Variants in WHRN observed in about 807,000 individuals in gnomAD.
WHRN encodes CASK-interacting protein CIP98.
In WHRN, 41 loss-of-function variants were observed where a neutral mutation model predicts 68.3. That is an observed-to-expected ratio of 0.60 (90% CI 0.47 to 0.78). The LOEUF (loss-of-function observed/expected upper bound fraction) is 0.78, where lower values mean the gene tolerates loss of function less well. WHRN is among the 30% of genes least tolerant of loss of function. The pLI, the probability that WHRN is intolerant of heterozygous loss-of-function variation, is 0.00. For missense variants in WHRN, 1,243 were observed against 1,244.7 expected (o/e 1.00, Z 0.02); for synonymous variants, 560 against 561.3 (o/e 1.00, Z 0.03).
In WHRN at chr9:114,440,463, T is replaced by G. The variant is rs1004590725; in HGVS notation, c.964-14050A>C. On this transcript the variant is annotated intron_variant, in intron 3 of 11. Transcript: ENST00000362057. Reference sequence around the variant, plus strand: ...CATGTTAGCTAGGCTGGTCTCAAACTCCTGACCTCAGGTGATCCGCCCACT... The same window carrying G: ...CATGTTAGCTAGGCTGGTCTCAAACGCCTGACCTCAGGTGATCCGCCCACT... 2.6e-5 allele frequency among the ~76,000 whole-genome samples: 4 copies of G among 152,274 alleles called. No homozygotes were observed. The South Asian group carries it at 6.2e-4, about 24-fold the overall frequency.
At chr9:114,478,898 T>C (rs1408933470) in intron 1 of WHRN, 127 bp from the exon 2 acceptor site, 1 of 859,374 alleles carries the variant, frequency 1.2e-6, no homozygotes, top group Non-Finnish European at 1.9e-6. Context: ...AGCCCTGAAG[T>C]CCCTTTCCTT....
intron 7 of WHRN, among the ~76,000 whole-genome samples, chr9:114,413,717 C>A (rs1048546641): frequency 6.6e-6 from 1 of 152,136 alleles, no homozygotes; most frequent in Non-Finnish European, 1.5e-5. Flanking sequence ...CAACACTGGG[C>A]CAGCACTGTG....
At position 114,504,756 on chromosome 9, in the gene WHRN, C is replaced by A; in HGVS notation, c.46G>T (p.Gly16Cys). Reference protein sequence around the residue: ...DGLSVSSSSTGSLGSAAGAGG... With the variant: ...DGLSVSSSSTCSLGSAAGAGG... ...GCCCCGGCCGCCGAGCCCAGCGAGC[C>A]GGTGGAGGACGAGCTCACCGACAGG... Residue 16 changes from glycine to cysteine, a missense_variant, in exon 1 of 12, where the codon GGC becomes TGC. Physicochemically the swap from Gly to Cys is radical, Grantham distance 159. Transcript: ENST00000362057. The A allele has an allele frequency of 1.3e-6, 2 of 1,505,390 alleles. No homozygotes were observed. The highest frequency in any genetic ancestry group is 2.6e-5 in the East Asian group (1 of 38,308). 93.3% of individuals were successfully genotyped at this position (1,505,390 alleles called of 1,614,324 possible). A position where few individuals can be genotyped will look rare whatever the true frequency, so the allele number is the denominator to read the frequency against.
intron 3 of WHRN, among the ~76,000 whole-genome samples, chr9:114,459,494 G>A (rs1840075495): frequency 6.6e-6 from 1 of 152,104 alleles, no homozygotes; most frequent in Admixed American, 6.5e-5. Flanking sequence ...CCTAGAGCTG[G>A]GTAGACAGAG....
At chr9:114,499,887 G>A (rs1843778872) in intron 1 of WHRN, among the ~76,000 whole-genome samples, 1 of 152,204 alleles carries the variant, frequency 6.6e-6, no homozygotes, top group Non-Finnish European at 1.5e-5. Flanking sequence ...GAGAATGACA[G>A]GAAAACAAGA....
At chr9:114,493,379 TG>T (rs60740371) in intron 1 of WHRN, among the ~76,000 whole-genome samples, 2 of 35,418 alleles carry the variant, frequency 5.6e-5, no homozygotes, top group Non-Finnish European at 1.2e-4. Context: ...AAAGTGGGGG[TG>T]GGGGGGTGGG....
intron 3 of WHRN, among the ~76,000 whole-genome samples, chr9:114,435,603 G>A (rs1035011871): frequency 6.6e-6 from 1 of 152,208 alleles, no homozygotes; most frequent in African/African-American, 2.4e-5. Context: ...AGGGTGAGAG[G>A]TAGAGGAGGG....
At chr9:114,413,190 G>C (rs1589079634) in intron 7 of WHRN, among the ~76,000 whole-genome samples, 1 of 152,242 alleles carries the variant, frequency 6.6e-6, no homozygotes, top group Non-Finnish European at 1.5e-5. Context: ...GACAGGAAGG[G>C]AGATAAAGGC....
chr9:114,442,375 GA>G (rs1225339548), intron 3 of WHRN, among the ~76,000 whole-genome samples: 4 of 151,832 alleles, frequency 2.6e-5, no homozygotes, highest in Admixed American at 6.6e-5. Context: ...TGTTCTTAGA[GA>G]AAAAAAATAC....
At chr9:114,485,831 G>A (rs1429010450) in intron 1 of WHRN, among the ~76,000 whole-genome samples, 2 of 152,038 alleles carry the variant, frequency 1.3e-5, no homozygotes, top group Non-Finnish European at 2.9e-5. Flanking sequence ...ATGGTGAGAC[G>A]CCACAAAAAA....
intron 3 of WHRN, among the ~76,000 whole-genome samples, chr9:114,459,505 A>G: frequency 6.6e-6 from 1 of 152,118 alleles, no homozygotes; most frequent in Admixed American, 6.5e-5. Flanking sequence ...GTAGACAGAG[A>G]TGGCACATAT....
intron 1 of WHRN, among the ~76,000 whole-genome samples, chr9:114,502,419 T>C (rs1220253415): frequency 6.6e-6 from 1 of 151,522 alleles, no homozygotes; most frequent in Non-Finnish European, 1.5e-5. Flanking sequence ...GCAGCAAGAG[T>C]AAACAAACAA....
intron 6 of WHRN, 66 bp downstream of exon 6, chr9:114,424,268 G>C (rs1039220828): frequency 4.5e-6 from 7 of 1,551,158 alleles, no homozygotes; most frequent in Non-Finnish European, 6.2e-6. Flanking sequence ...GCAAAGGAGC[G>C]GGGGCAGGGC....
intron 1 of WHRN, among the ~76,000 whole-genome samples, chr9:114,479,349 A>C (rs1841920808): frequency 6.6e-6 from 1 of 152,152 alleles, no homozygotes; most frequent in Non-Finnish European, 1.5e-5. Context: ...TGTTCTGTGG[A>C]ACTCACAGGG....
intron 3 of WHRN, among the ~76,000 whole-genome samples, chr9:114,463,778 A>G (rs1415602316): frequency 6.6e-6 from 1 of 152,228 alleles, no homozygotes; most frequent in Middle Eastern, 3.2e-3. Flanking sequence ...CCTACCTGCT[A>G]AAAGCAAAGC....
intron 7 of WHRN, among the ~76,000 whole-genome samples, chr9:114,411,154 C>A (rs1835409202): frequency 6.6e-6 from 1 of 152,170 alleles, no homozygotes; most frequent in South Asian, 2.1e-4. Context: ...CGAGACGTGT[C>A]CTGGCCCATA....
At chr9:114,503,102 C>T (rs1844072999) in intron 1 of WHRN, 1 of 984,024 alleles carries the variant, frequency 1.0e-6, no homozygotes, top group East Asian at 1.1e-4. Flanking sequence ...CGGCTCAAGA[C>T]TCACCTGGAC....
In WHRN at chr9:114,415,284, A is replaced by AC. The variant is rs759398394; in HGVS notation, c.1627-7267_1627-7266insG. Among the ~76,000 whole-genome samples, 236 of 151,826 alleles carry AC rather than the reference A, an allele frequency of 1.6e-3. 2 individuals are homozygous for AC. The highest frequency in any genetic ancestry group is 2.8e-3 in the Non-Finnish European group (189 of 67,908). On this transcript the variant is annotated intron_variant, in intron 7 of 11. Transcript: ENST00000362057. ...GAGACCCTATCTCTTAAAAAAAAAA[A>AC]AAACACAAACAGGATCACATCACAT... is the stretch of plus-strand genomic sequence containing the variant.
rs138363600 is a variant in WHRN, at chr9:114,484,446, G to C, written c.619-5675C>G. ...TCTGTTTTCTCTCCTGCAAAATGAA[G>C]ATCACCATTCTCCTTTCTCTTTACT... On this transcript the variant is annotated intron_variant, in intron 1 of 11. Transcript: ENST00000362057. Among the ~76,000 whole-genome samples, 381 of 152,314 alleles carry C rather than the reference G, an allele frequency of 2.5e-3. 3 individuals carry two copies. Among genetic ancestry groups the C allele is most frequent in the African/African-American group, 8.9e-3 (368 of 41,562 alleles).
Sources: gnomAD v4.1 joint callset for allele counts (sites outside exome capture counted in the v4.1 genomes callset) on GRCh38, gnomAD v4.1.1 for gene constraint, MANE v1.5 for transcripts, NCBI Gene and HGNC (gene_info 2026-07-23, HGNC 2026-07-21) for gene names.